The following PCED1B variants were observed in gnomAD, a reference collection of about 807,000 sequenced individuals.
The protein encoded by PCED1B is PC-esterase domain-containing protein 1B.
For missense variants in PCED1B, 573 were observed against 573.9 expected (o/e 1.00, Z 0.02); for synonymous variants, 251 against 246.1 (o/e 1.02, Z -0.19).
chr12:47,152,542 C>A (rs983167791), intron 2 of PCED1B, among the ~76,000 whole-genome samples: 16 of 152,254 alleles, frequency 1.1e-4, no homozygotes, highest in Admixed American at 8.5e-4. Context: ...AATGTGGGAT[C>A]CTGAATTAAA....
chr12:47,120,897 G>A (rs562967948), intron 2 of PCED1B, among the ~76,000 whole-genome samples: 1 of 152,232 alleles, frequency 6.6e-6, no homozygotes, highest in East Asian at 1.9e-4. Flanking sequence ...AGTCATAAAA[G>A]ATCACACATT....
intron 2 of PCED1B, among the ~76,000 whole-genome samples, chr12:47,110,625 C>T (rs1214500760): frequency 1.3e-5 from 2 of 152,146 alleles, no homozygotes; most frequent in African/African-American, 4.8e-5. Context: ...TCTATAAATG[C>T]AAGAGAAGCA....
intron 2 of PCED1B, among the ~76,000 whole-genome samples, chr12:47,174,108 T>A (rs942939539): frequency 1.3e-5 from 2 of 151,972 alleles, no homozygotes; most frequent in Admixed American, 1.3e-4. Context: ...AGTGAGACTC[T>A]GTCTCTATAA....
intron 2 of PCED1B, among the ~76,000 whole-genome samples, chr12:47,120,331 A>T (rs947752158): frequency 6.6e-6 from 1 of 152,212 alleles, no homozygotes. Context: ...ACTTCTAGGT[A>T]TATACTCAAG....
chr12:47,220,452 G>C (rs760239963), intron 3 of PCED1B, among the ~76,000 whole-genome samples: 5 of 152,142 alleles, frequency 3.3e-5, no homozygotes, highest in African/African-American at 1.2e-4. Context: ...GATTACAGGC[G>C]TGAGCCACTA....
chr12:47,224,247 G>A (rs557480374), intron 3 of PCED1B, among the ~76,000 whole-genome samples: 1 of 152,284 alleles, frequency 6.6e-6, no homozygotes, highest in South Asian at 2.1e-4. Context: ...GAGGTCACTG[G>A]AATTAATGGT....
At chr12:47,174,825 A>G (rs1168012774) in intron 2 of PCED1B, among the ~76,000 whole-genome samples, 1 of 152,214 alleles carries the variant, frequency 6.6e-6, no homozygotes, top group Non-Finnish European at 1.5e-5. Context: ...TGGGTCTCCC[A>G]CTTAGACTAT....
At chr12:47,155,134 A>G (rs1941150098) in intron 2 of PCED1B, among the ~76,000 whole-genome samples, 1 of 152,204 alleles carries the variant, frequency 6.6e-6, no homozygotes, top group South Asian at 2.1e-4. Flanking sequence ...AGTACTTGCC[A>G]TGAATCTTAT....
chr12:47,081,197 C>G (rs1240938349), intron 1 of PCED1B, among the ~76,000 whole-genome samples: 1 of 152,140 alleles, frequency 6.6e-6, no homozygotes, highest in African/African-American at 2.4e-5. Context: ...AGATGCCAAC[C>G]ACAGTGGAAT....
At chr12:47,131,018 T>C (rs1940101634) in intron 2 of PCED1B, among the ~76,000 whole-genome samples, 1 of 152,192 alleles carries the variant, frequency 6.6e-6, no homozygotes, top group Non-Finnish European at 1.5e-5. Flanking sequence ...AATAATCATA[T>C]TCAGTATGTT....
intron 2 of PCED1B, among the ~76,000 whole-genome samples, chr12:47,215,410 C>G (rs532094801): frequency 6.6e-6 from 1 of 151,980 alleles, no homozygotes; most frequent in African/African-American, 2.4e-5. Context: ...CCCACCACCA[C>G]GCCCAGCTAA....
In PCED1B at chr12:47,207,107, T is replaced by G. The variant is rs141648744; in HGVS notation, c.-525-9115T>G. Among the ~76,000 whole-genome samples, 12 of 152,312 alleles carry G rather than the reference T, an allele frequency of 7.9e-5. No homozygotes were observed. In the East Asian group the frequency reaches 2.3e-3, roughly 29 times the overall value. ...AGGAGAACAGCATGTAGAGTTACCC[T>G]GTGGTCTCTAGCTCAGGGCCTTGAG... On this transcript the variant is annotated intron_variant, in intron 2 of 3. Transcript: ENST00000546455.
At chr12:47,228,326 C>T (rs564265272) in intron 3 of PCED1B, among the ~76,000 whole-genome samples, 1 of 152,200 alleles carries the variant, frequency 6.6e-6, no homozygotes, top group South Asian at 2.1e-4. Context: ...CCGTGCCCTG[C>T]CTGGGTTCTT....
At position 47,193,407 on chromosome 12, in the gene PCED1B, G is replaced by A. The variant is rs1038508710; in HGVS notation, c.-525-22815G>A. ...CCCTGCTCACAATTCCTGAATTCCT[G>A]CCCCCTTCCCCCTTTCCACTCCAGT... On this transcript the variant is annotated intron_variant, in intron 2 of 3. Transcript: ENST00000546455. Among the ~76,000 whole-genome samples, 12 of 152,096 alleles carry A rather than the reference G, an allele frequency of 7.9e-5. No individual in the cohort carries two copies. The East Asian group carries it at 1.4e-3, about 17-fold the overall frequency.
chr12:47,224,624 C>T (rs1943580434), intron 3 of PCED1B, among the ~76,000 whole-genome samples: 1 of 152,076 alleles, frequency 6.6e-6, no homozygotes. Context: ...TTCCGTTTTT[C>T]GCTTATCTCG....
chr12:47,178,427 A>G (rs531126520), intron 2 of PCED1B, among the ~76,000 whole-genome samples: 1 of 152,352 alleles, frequency 6.6e-6, no homozygotes, highest in East Asian at 1.9e-4. Context: ...CTACTTAAGC[A>G]GGTGGAGTGC....
intron 2 of PCED1B, among the ~76,000 whole-genome samples, chr12:47,197,602 CTG>C (rs1942645636): frequency 6.6e-6 from 1 of 151,108 alleles, no homozygotes; most frequent in Non-Finnish European, 1.5e-5. Context: ...GAGTGAAACT[CTG>C]TCTCAAAAAA....
In PCED1B at chr12:47,105,400, T is replaced by C. The variant is rs571166992; in HGVS notation, c.-526+1205T>C. 5.9e-5 allele frequency among the ~76,000 whole-genome samples: 9 copies of C among 152,112 alleles called. No homozygotes were observed. The East Asian group carries it at 1.7e-3, about 29-fold the overall frequency. On this transcript the variant is annotated intron_variant, in intron 2 of 3. Coordinates refer to ENST00000546455, the MANE Select transcript of PCED1B (RefSeq NM_138371.3). ...CAGTGCGGAAAGAAAGTTCTGAGGG[T>C]TCATGAAGATATTGGACTTTATTCT...
At chr12:47,211,038 A>G (rs1389961588) in intron 2 of PCED1B, among the ~76,000 whole-genome samples, 3 of 152,208 alleles carry the variant, frequency 2.0e-5, no homozygotes, top group East Asian at 3.8e-4. Context: ...ACTAGAAGCT[A>G]CTTTTCATGG....
Sources: gnomAD v4.1 joint callset for allele counts (sites outside exome capture counted in the v4.1 genomes callset) on GRCh38, gnomAD v4.1.1 for gene constraint, MANE v1.5 for transcripts, NCBI Gene and HGNC (gene_info 2026-07-23, HGNC 2026-07-21) for gene names.